The following FTCDNL1 variants were observed in gnomAD, a reference collection of about 807,000 sequenced individuals.
The protein encoded by FTCDNL1 is formiminotransferase N-terminal subdomain-containing protein.
FTCDNL1 carries 11 observed loss-of-function variants against 5.9 expected under a neutral mutation model. The observed-to-expected ratio is 1.87, with a 90% CI of 1.18 to 3.10. FTCDNL1 has a LOEUF of 3.10. FTCDNL1 is among the 30% of genes most tolerant of loss of function. The pLI is 0.00. For missense variants in FTCDNL1, 115 were observed against 65.5 expected, an observed-to-expected ratio of 1.76 and a Z score of -2.61; for synonymous variants, 58 against 24.8, an observed-to-expected ratio of 2.34 and a Z score of -3.99.
At chr2:199,757,768 T>C (rs368737445), downstream of FTCDNL1, among the ~76,000 whole-genome samples, 17 of 152,254 alleles carry the variant, frequency 1.1e-4, no homozygotes, top group East Asian at 1.2e-3. Flanking sequence ...GTGGTAGCAA[T>C]TGGCAAAAAC....
At chr2:199,819,303 T>C in intron 4 of FTCDNL1, 2 of 419,828 alleles carry the variant, frequency 4.8e-6, no homozygotes, top group Non-Finnish European at 8.7e-6. Context: ...CGAGCATTCT[T>C]TTCATCAGTG....
intron 3 of FTCDNL1, among the ~76,000 whole-genome samples, chr2:199,824,386 C>T (rs1701892582): frequency 6.6e-6 from 1 of 152,184 alleles, no homozygotes; most frequent in Non-Finnish European, 1.5e-5. Context: ...ATCTTCTATC[C>T]AGACCACTAA....
the FTCDNL1 span, among the ~76,000 whole-genome samples, chr2:199,680,791 G>A: frequency 1.3e-5 from 2 of 152,204 alleles, no homozygotes; most frequent in Admixed American, 1.3e-4. Flanking sequence ...AATTAGAAAT[G>A]TGTTTGGGAC....
chr2:199,683,066 T>C, the FTCDNL1 span, among the ~76,000 whole-genome samples: 4 of 152,166 alleles, frequency 2.6e-5, no homozygotes, highest in South Asian at 2.1e-4. Context: ...CTTTCTTCTC[T>C]TTCCCACTGT....
chr2:199,673,297 C>A, the FTCDNL1 span, among the ~76,000 whole-genome samples: 1 of 131,230 alleles, frequency 7.6e-6, no homozygotes, highest in South Asian at 2.4e-4. Context: ...CATTGCACTC[C>A]AGCTTGGTTG....
intron 3 of FTCDNL1, among the ~76,000 whole-genome samples, chr2:199,794,675 T>G (rs1205741624): frequency 6.6e-6 from 1 of 152,134 alleles, no homozygotes; most frequent in Non-Finnish European, 1.5e-5. Context: ...TCCAGGAGTT[T>G]GAGACCAGCC....
downstream of FTCDNL1, among the ~76,000 whole-genome samples, chr2:199,759,011 G>A (rs1176788846): frequency 6.6e-6 from 1 of 152,110 alleles, no homozygotes; most frequent in East Asian, 1.9e-4. Context: ...AAAATGTACA[G>A]TGTAATATTT....
chr2:199,728,500 A>C, the FTCDNL1 span, among the ~76,000 whole-genome samples: 2 of 152,034 alleles, frequency 1.3e-5, no homozygotes, highest in Non-Finnish European at 2.9e-5. Flanking sequence ...CGCCCACCTC[A>C]GCCTCCCAAA....
intron 3 of FTCDNL1, 150 bp downstream of exon 3, chr2:199,845,924 GA>G: frequency 2.4e-6 from 1 of 408,928 alleles, no homozygotes; most frequent in Non-Finnish European, 4.3e-6. Context: ...TACATGTTCA[GA>G]AAAATGATTA....
the FTCDNL1 span, among the ~76,000 whole-genome samples, chr2:199,731,684 C>G: frequency 6.6e-6 from 1 of 152,074 alleles, no homozygotes; most frequent in Admixed American, 6.5e-5. Context: ...GTCAGGAGAT[C>G]GAGACCATCC....
At chr2:199,698,994 T>C in the FTCDNL1 span, among the ~76,000 whole-genome samples, 1 of 152,192 alleles carries the variant, frequency 6.6e-6, no homozygotes, top group African/African-American at 2.4e-5. Flanking sequence ...AACAATTCTA[T>C]GTACACAAAC....
At chr2:199,665,588 G>A in the FTCDNL1 span, among the ~76,000 whole-genome samples, 10 of 150,368 alleles carry the variant, frequency 6.7e-5, no homozygotes, top group Non-Finnish European at 7.4e-5. Flanking sequence ...AGCCGAGATC[G>A]TGCCATTTGC....
chr2:199,698,109 A>G, the FTCDNL1 span, among the ~76,000 whole-genome samples: 3 of 152,234 alleles, frequency 2.0e-5, no homozygotes, highest in Non-Finnish European at 2.9e-5. Flanking sequence ...TATGCATCCA[A>G]CACTGCAGCA....
chr2:199,675,515 A>G, the FTCDNL1 span, among the ~76,000 whole-genome samples: 2 of 152,206 alleles, frequency 1.3e-5, no homozygotes, highest in Admixed American at 6.5e-5. Context: ...AACAACAGAA[A>G]ACTCAAAATT....
At chr2:199,668,778 C>A in the FTCDNL1 span, among the ~76,000 whole-genome samples, 7 of 151,910 alleles carry the variant, frequency 4.6e-5, no homozygotes, top group Non-Finnish European at 7.4e-5. Context: ...GATTTGGAGA[C>A]AAAAATTGCA....
chr2:199,790,722 A>C (rs938414754), intron 3 of FTCDNL1, among the ~76,000 whole-genome samples: 2 of 152,220 alleles, frequency 1.3e-5, no homozygotes, highest in African/African-American at 4.8e-5. Context: ...AATAGTTAGG[A>C]AACTGCAAAC....
At chr2:199,806,830 G>A (rs1411202717), downstream of FTCDNL1, among the ~76,000 whole-genome samples, 1 of 152,034 alleles carries the variant, frequency 6.6e-6, no homozygotes, top group East Asian at 1.9e-4. Context: ...CCTCTTTTAA[G>A]AAACTAAAAG....
chr2:199,795,652 A>G (rs1018012945), intron 3 of FTCDNL1, among the ~76,000 whole-genome samples: 8 of 152,276 alleles, frequency 5.3e-5, no homozygotes, highest in Non-Finnish European at 1.0e-4. Flanking sequence ...AATTTTCTCA[A>G]AATAATAAAC....
At chr2:199,775,937 G>A (rs1228565710) in intron 3 of FTCDNL1, among the ~76,000 whole-genome samples, 5 of 146,130 alleles carry the variant, frequency 3.4e-5, no homozygotes, top group Admixed American at 6.9e-5. Context: ...TTTTTGAGAC[G>A]GAGTCTCGCT....
Sources: allele counts gnomAD v4.1 joint callset (sites outside exome capture counted in the v4.1 genomes callset), GRCh38; gene constraint gnomAD v4.1.1; transcripts MANE v1.5; gene names NCBI Gene and HGNC (gene_info 2026-07-23, HGNC 2026-07-21).